Variants in USP6NL observed in about 807,000 individuals in gnomAD.
USP6NL encodes the protein USP6 N-terminal-like protein.
Under a neutral mutation model 61.9 loss-of-function variants are expected in USP6NL, and 26 were observed. That is an observed-to-expected ratio of 0.42 (90% CI 0.31 to 0.58). The LOEUF (loss-of-function observed/expected upper bound fraction) is 0.58, where lower values mean the gene tolerates loss of function less well. Ranked by LOEUF, USP6NL falls within the 20% of genes least tolerant of loss-of-function variation. USP6NL has a pLI of 0.16. For missense variants in USP6NL, 1,114 were observed against 1,034.3 expected, an observed-to-expected ratio of 1.08 and a Z score of -1.06; for synonymous variants, 432 against 390.1, an observed-to-expected ratio of 1.11 and a Z score of -1.27.
intron 2 of USP6NL, among the ~76,000 whole-genome samples, chr10:11,559,397 T>C (rs188290903): frequency 6.6e-6 from 1 of 152,278 alleles, no homozygotes; most frequent in East Asian, 1.9e-4. Context: ...AAACAGCAAC[T>C]TTAAGGTCAC....
chr10:11,593,704 C>T (rs114052775), intron 2 of USP6NL, among the ~76,000 whole-genome samples: 181 of 152,216 alleles, frequency 1.2e-3, no homozygotes, highest in African/African-American at 4.2e-3. Context: ...CCTATATATC[C>T]ACCAGAATAA....
In USP6NL at chr10:11,602,419, T is replaced by C. The variant is rs542295975; in HGVS notation, c.-83-4702A>G. ...ATTACAATAAATATATAATGTATAA[T>C]GCATAATAAATCTTACTATTCATTC... On this transcript the variant is annotated intron_variant, in intron 1 of 14. Coordinates refer to ENST00000609104, the MANE Select transcript of USP6NL (RefSeq NM_014688.5). This position sits in a 1 kb window ranked among gnomAD's most constrained non-coding sequence, Gnocchi z 4.8. 2.6e-5 allele frequency among the ~76,000 whole-genome samples: 4 copies of C among 152,312 alleles called. No homozygotes were observed. In the East Asian group the frequency reaches 5.8e-4, roughly 22 times the overall value.
intron 2 of USP6NL, among the ~76,000 whole-genome samples, chr10:11,567,501 CA>C (rs772487257): frequency 6.6e-6 from 1 of 152,184 alleles, no homozygotes; most frequent in Non-Finnish European, 1.5e-5. Context: ...ATTTTGACTT[CA>C]AATATGACAT....
At position 11,548,018 on chromosome 10, in the gene USP6NL, C is replaced by A. The variant is rs1836348797; in HGVS notation, c.5-20451G>T. Reference sequence around the variant, plus strand: ...AACCTCTCACAAATGATGATATCCCCTCGATAACATCTCTTAATAAGTGAT... The same window carrying A: ...AACCTCTCACAAATGATGATATCCCATCGATAACATCTCTTAATAAGTGAT... On this transcript the variant is annotated intron_variant, in intron 2 of 14. Transcript: ENST00000609104. The surrounding 1 kb of genome is among the most constrained non-coding windows in gnomAD (Gnocchi z 4.3). Among the ~76,000 whole-genome samples the A allele has an allele frequency of 6.6e-6, 1 of 152,134 alleles. No individual in the cohort carries two copies. The highest frequency in any genetic ancestry group is 1.5e-5 in the Non-Finnish European group (1 of 68,026).
chr10:11,546,404 CTTTAT>C (rs763039868), intron 2 of USP6NL, among the ~76,000 whole-genome samples: 132 of 151,980 alleles, frequency 8.7e-4, no homozygotes, highest in Non-Finnish European at 1.6e-3. Flanking sequence ...TTGGATTTTT[CTTTAT>C]TTTATTTTTT....
chr10:11,555,415 T>TTAAA (rs1206562139), intron 2 of USP6NL, among the ~76,000 whole-genome samples: 1 of 26,868 alleles, frequency 3.7e-5, no homozygotes, highest in East Asian at 1.1e-3. Flanking sequence ...AACTCGGTCT[T>TTAAA]AAAAAAAAAA....
intron 14 of USP6NL, among the ~76,000 whole-genome samples, chr10:11,467,324 C>T (rs530485486): frequency 6.6e-6 from 1 of 152,250 alleles, no homozygotes; most frequent in South Asian, 2.1e-4. Context: ...CAGAAAAATG[C>T]AAATTAAAAT....
At chr10:11,471,335 G>A (rs1832739605) in intron 14 of USP6NL, among the ~76,000 whole-genome samples, 1 of 152,214 alleles carries the variant, frequency 6.6e-6, no homozygotes, top group African/African-American at 2.4e-5. Flanking sequence ...AACAGGTGCT[G>A]GAGAGGATGT....
chr10:11,508,549 T>C (rs1001185684), intron 6 of USP6NL, among the ~76,000 whole-genome samples: 3 of 152,256 alleles, frequency 2.0e-5, no homozygotes, highest in African/African-American at 7.2e-5. Flanking sequence ...GCAGTAGTGC[T>C]GTACTGTGGA....
chr10:11,464,175 C>G (rs1832339794), intron 14 of USP6NL, among the ~76,000 whole-genome samples: 1 of 152,238 alleles, frequency 6.6e-6, no homozygotes, highest in Non-Finnish European at 1.5e-5. Context: ...GGCAGGCACA[C>G]ATGCAGCCTT....
At position 11,548,369 on chromosome 10, in the gene USP6NL, T is replaced by C. The variant is rs1566173405; in HGVS notation, c.5-20802A>G. ...TTTATTTTCTGGCTGTTAAGTCAAT[T>C]TAATGGGTTCTTATTAGCACATACT... On this transcript the variant is annotated intron_variant, in intron 2 of 14. Coordinates refer to ENST00000609104, the MANE Select transcript of USP6NL (RefSeq NM_014688.5). The surrounding 1 kb of genome is among the most constrained non-coding windows in gnomAD (Gnocchi z 4.3). Among the ~76,000 whole-genome samples, 1 of 152,206 alleles carries C rather than the reference T, an allele frequency of 6.6e-6. No individual in the cohort carries two copies. The highest frequency in any genetic ancestry group is 1.5e-5 in the Non-Finnish European group (1 of 68,032).
intron 2 of USP6NL, among the ~76,000 whole-genome samples, chr10:11,556,619 A>G (rs1211468645): frequency 1.3e-5 from 2 of 152,220 alleles, no homozygotes; most frequent in African/African-American, 2.4e-5. Flanking sequence ...AAGAAATCTG[A>G]TAACACTGTA....
rs548767031 is a variant in USP6NL at position 11,536,948 on chromosome 10, A to G, written c.5-9381T>C. ...GTCATAGCCACAATTATAGAACAGTATAAGTAATCACCATCAAGGAAAGGG... is the reference window on the plus strand; with the variant it reads ...GTCATAGCCACAATTATAGAACAGTGTAAGTAATCACCATCAAGGAAAGGG... On this transcript the variant is annotated intron_variant, in intron 2 of 14. Coordinates refer to ENST00000609104, the MANE Select transcript of USP6NL (RefSeq NM_014688.5). 2.7e-4 allele frequency among the ~76,000 whole-genome samples: 41 copies of G among 152,346 alleles called. No homozygotes were observed. The South Asian group carries it at 5.2e-3, about 19-fold the overall frequency.
rs1835061872 is a variant in USP6NL, at chr10:11,518,592, T to TA, written c.156-19dup. 1 of 1,605,258 alleles carries TA rather than the reference T, an allele frequency of 6.2e-7. No homozygotes were observed. Among genetic ancestry groups the TA allele is most frequent in the Non-Finnish European group, 8.5e-7 (1 of 1,176,048 alleles). On this transcript the variant is annotated intron_variant, in intron 4 of 14. Coordinates refer to ENST00000609104, the MANE Select transcript of USP6NL (RefSeq NM_014688.5). The surrounding 1 kb of genome is among the most constrained non-coding windows in gnomAD (Gnocchi z 5.3). ...CCTCCTCACTGCAGAGGAAAAACAG[T>TA]ATTATATGAAATTGTTGAAATCAAA... is the stretch of plus-strand genomic sequence containing the variant.
intron 2 of USP6NL, among the ~76,000 whole-genome samples, chr10:11,554,960 C>CT: frequency 2.2e-5 from 2 of 91,602 alleles, no homozygotes. Flanking sequence ...CCACCATGCC[C>CT]GGCTAATTTT....
intron 2 of USP6NL, among the ~76,000 whole-genome samples, chr10:11,551,682 C>CT (rs558650031): frequency 6.6e-6 from 1 of 152,322 alleles, no homozygotes; most frequent in South Asian, 2.1e-4. Flanking sequence ...CTCTCTGACT[C>CT]TAAGTCCTGT....
In USP6NL at chr10:11,569,892, T is replaced by C. The variant is rs376606186; in HGVS notation, c.4+27739A>G. On this transcript the variant is annotated intron_variant, in intron 2 of 14. Transcript: ENST00000609104. ...CCTCCCCCTATCACCCTAAGAGAAT[T>C]TCCAAACATCTTTACACGGATTCTT... Among the ~76,000 whole-genome samples the C allele has an allele frequency of 4.1e-4, 62 of 152,276 alleles. 1 individual carries two copies. In the South Asian group the frequency reaches 0.011, roughly 26 times the overall value.
chr10:11,482,329 T>G lies in USP6NL; in HGVS notation c.926-407A>C, dbSNP rs147473840. 9.1e-3 allele frequency among the ~76,000 whole-genome samples: 1,383 copies of G among 152,356 alleles called. 14 individuals carry two copies. Among genetic ancestry groups the G allele is most frequent in the African/African-American group, 0.031 (1,295 of 41,576 alleles). On this transcript the variant is annotated intron_variant, in intron 13 of 14. Transcript: ENST00000609104. The surrounding 1 kb of genome is among the most constrained non-coding windows in gnomAD (Gnocchi z 4.0). ...CCCATTTTAAGTCTGTATTTCTTAC[T>G]GTTTCAGAATTTCCCAGAACATCTG... is the stretch of plus-strand genomic sequence containing the variant.
In USP6NL at chr10:11,525,598, T is replaced by C. The variant is rs1835382662; in HGVS notation, c.73-130A>G. On this transcript the variant is annotated intron_variant, in intron 3 of 14. Coordinates refer to ENST00000609104, the MANE Select transcript of USP6NL (RefSeq NM_014688.5). The surrounding 1 kb of genome is among the most constrained non-coding windows in gnomAD (Gnocchi z 5.0). ...AAAATAAGAGCTGGAAGTGAGGCAT[T>C]ATGAGCCTTAACATTTTTTTTTCCC... is the stretch of plus-strand genomic sequence containing the variant. 1.3e-6 allele frequency: 1 copy of C among 774,142 alleles called. No homozygotes were observed. The highest frequency in any genetic ancestry group is 2.5e-5 in the South Asian group (1 of 40,386). The allele number at this position is 774,142 out of a possible 1,614,324, so 48.0% of individuals were successfully genotyped here. A position where few individuals can be genotyped will look rare whatever the true frequency, so the allele number is the denominator to read the frequency against.
Sources: allele counts gnomAD v4.1 joint callset (sites outside exome capture counted in the v4.1 genomes callset), GRCh38; gene constraint gnomAD v4.1.1; non-coding constraint Gnocchi (gnomAD v3.1); transcripts MANE v1.5; gene names NCBI Gene and HGNC (gene_info 2026-07-23, HGNC 2026-07-21).